The following ARRB1 variants were observed in gnomAD, a reference collection of about 807,000 sequenced individuals.
ARRB1 encodes the protein beta-arrestin-1.
In ARRB1, 21 loss-of-function variants were observed where a neutral mutation model predicts 56.8. The observed-to-expected ratio is 0.37, with a 90% CI of 0.26 to 0.53. The LOEUF (loss-of-function observed/expected upper bound fraction) is 0.53. ARRB1 is among the 20% of genes least tolerant of loss of function. The pLI is 0.88. For synonymous variants in ARRB1, 210 were observed against 218.6 expected (o/e 0.96, Z 0.35); for missense variants, 424 against 553.7 (o/e 0.77, Z 2.35).
At chr11:75,321,055 C>T (rs900037838) in intron 1 of ARRB1, among the ~76,000 whole-genome samples, 4 of 152,156 alleles carry the variant, frequency 2.6e-5, no homozygotes, top group Non-Finnish European at 4.4e-5. Context: ...CTCCCAGGGA[C>T]CTATGTGTCT....
intron 1 of ARRB1, among the ~76,000 whole-genome samples, chr11:75,332,917 C>T (rs1409178583): frequency 6.6e-6 from 1 of 151,946 alleles, no homozygotes; most frequent in African/African-American, 2.4e-5. Flanking sequence ...GTACCTATAG[C>T]CTGGAAGCTC....
At chr11:75,339,170 T>C (rs1038729410) in intron 1 of ARRB1, among the ~76,000 whole-genome samples, 4 of 152,214 alleles carry the variant, frequency 2.6e-5, no homozygotes, top group Non-Finnish European at 4.4e-5. Context: ...GTTTCTCAAC[T>C]GTCTCATGCC....
intron 1 of ARRB1, among the ~76,000 whole-genome samples, chr11:75,326,642 C>T (rs1591978558): frequency 6.6e-6 from 1 of 152,082 alleles, no homozygotes; most frequent in South Asian, 2.1e-4. Context: ...CACACACCGT[C>T]TCCAGCAGTC....
chr11:75,339,011 G>T (rs1947655801), intron 1 of ARRB1, among the ~76,000 whole-genome samples: 1 of 152,168 alleles, frequency 6.6e-6, no homozygotes, highest in African/African-American at 2.4e-5. Context: ...ACTGGTAAAG[G>T]GGAGGGGAGA....
chr11:75,263,924 G>T lies in ARRB1; in HGVS notation c.*2239C>A, dbSNP rs1945854148. Among the ~76,000 whole-genome samples the T allele has an allele frequency of 6.6e-6, 1 of 152,182 alleles. No individual in the cohort carries two copies. The highest frequency in any genetic ancestry group is 6.5e-5 in the Admixed American group (1 of 15,288). On this transcript the variant is annotated 3_prime_UTR_variant, in exon 16 of 16. Coordinates refer to ENST00000420843, the MANE Select transcript of ARRB1 (RefSeq NM_004041.5). ...AGGGGAAGAAGTCTGCAGGAAAGAGGTCATCCCAAACACTAAAGGATCTTG... is the reference window on the plus strand; with the variant it reads ...AGGGGAAGAAGTCTGCAGGAAAGAGTTCATCCCAAACACTAAAGGATCTTG...
intron 1 of ARRB1, among the ~76,000 whole-genome samples, chr11:75,297,525 A>AC (rs1325530804): frequency 6.6e-6 from 1 of 151,538 alleles, no homozygotes; most frequent in Non-Finnish European, 1.5e-5. Context: ...ATAGTCGCAC[A>AC]AAAAAAAACA....
Position 75,281,984 on chromosome 11 carries a change from G to A in ARRB1, c.392C>T (p.Pro131Leu), listed in dbSNP as rs1177139665. The change falls in exon 6 of 16, where the codon CCG (proline) becomes CTG (leucine). Residue 131 changes from proline (P) to leucine (L), a missense_variant. Pro to Leu is a moderately conservative substitution (Grantham distance 98). This residue lies in a region of ARRB1 where 301 missense variants were observed against 387.9 expected (regional missense o/e 0.78). Transcript: ENST00000420843. ...PNLPCSVTLQ[P>L]GPEDTGKACG... ...TACCTTCCCCGTGTCTTCGGGCCCC[G>A]GCTGCAGTGTCACAGAACATGGAAG... 3.7e-6 allele frequency: 6 copies of A among 1,613,976 alleles called. No individual in the cohort carries two copies. The highest frequency in any genetic ancestry group is 1.1e-5 in the South Asian group (1 of 91,084).
intron 1 of ARRB1, among the ~76,000 whole-genome samples, chr11:75,290,376 C>A (rs1946579439): frequency 6.6e-6 from 1 of 152,200 alleles, no homozygotes; most frequent in African/African-American, 2.4e-5. Flanking sequence ...ACCCTCACCT[C>A]CCGGTGTCAC....
chr11:75,283,108 G>A (rs1055986348), intron 5 of ARRB1, among the ~76,000 whole-genome samples, 179 bp downstream of exon 5: 1 of 152,210 alleles, frequency 6.6e-6, no homozygotes, highest in African/African-American at 2.4e-5. Flanking sequence ...AACCCCAGCA[G>A]GGGCTGGAGA....
chr11:75,278,888 ATAGGGGTC>A, intron 7 of ARRB1, 144 bp from the exon 8 acceptor site: 1 of 1,194,082 alleles, frequency 8.4e-7, no homozygotes, highest in East Asian at 2.5e-5. Flanking sequence ...AGAGATCAGC[ATAGGGGTC>A]TGTCACCATC....
rs1398283773 is a variant in ARRB1, at chr11:75,264,387, A to C, written c.*1776T>G. 1.3e-5 allele frequency: 2 copies of C among 152,222 alleles called. No homozygotes were observed. Among genetic ancestry groups the C allele is most frequent in the East Asian group, 3.8e-4 (2 of 5,202 alleles). 9.4% of individuals were successfully genotyped at this position (152,222 alleles called of 1,614,324 possible). A position where few individuals can be genotyped will look rare whatever the true frequency, so the allele number is the denominator to read the frequency against. ...CTGAGGAGAGAGCCCTTGTCCTGCT[A>C]ATCAATATATTTGCCTGGGTAAACC... On this transcript the variant is annotated 3_prime_UTR_variant, in exon 16 of 16. Transcript: ENST00000420843.
intron 9 of ARRB1, 54 bp downstream of exon 9, chr11:75,277,310 C>T (rs981284822): frequency 6.4e-7 from 1 of 1,552,322 alleles, no homozygotes; most frequent in African/African-American, 1.4e-5. Flanking sequence ...CACCCCCAGC[C>T]CTTGGGAAGA....
chr11:75,280,965 GC>G, intron 7 of ARRB1, 109 bp downstream of exon 7: 1 of 1,288,092 alleles, frequency 7.8e-7, no homozygotes. Context: ...TGGAATGTGC[GC>G]CCCTCCTCAC....
intron 1 of ARRB1, chr11:75,335,221 C>T (rs1255973517): frequency 1.0e-5 from 2 of 194,472 alleles, no homozygotes; most frequent in South Asian, 1.7e-4. Flanking sequence ...TGATGGGAGT[C>T]CCGCTGCTAC....
chr11:75,307,676 C>T (rs941385361), intron 1 of ARRB1, among the ~76,000 whole-genome samples: 5 of 152,212 alleles, frequency 3.3e-5, no homozygotes, highest in Non-Finnish European at 5.9e-5. Context: ...GGAAGGTCTT[C>T]CCTCTGGAGC....
chr11:75,351,481 C>A (rs1414923473), intron 1 of ARRB1, 107 bp downstream of exon 1: 21 of 1,458,708 alleles, frequency 1.4e-5, no homozygotes, highest in Non-Finnish European at 1.9e-5. Context: ...GTACTAGATC[C>A]CGCGGTGGCC....
intron 1 of ARRB1, among the ~76,000 whole-genome samples, chr11:75,310,258 G>C (rs1362416434): frequency 6.6e-6 from 1 of 152,162 alleles, no homozygotes. Context: ...CCTGCTCCAG[G>C]GTGTTGAGGG....
chr11:75,347,906 T>G (rs1258729845), intron 1 of ARRB1, among the ~76,000 whole-genome samples: 1 of 152,178 alleles, frequency 6.6e-6, no homozygotes, highest in Admixed American at 6.5e-5. Flanking sequence ...CTCTGCAGCC[T>G]AAGTTCAGAG....
chr11:75,288,873 G>A (rs1297822331), intron 2 of ARRB1, among the ~76,000 whole-genome samples: 4 of 152,152 alleles, frequency 2.6e-5, no homozygotes, highest in Admixed American at 1.3e-4. Flanking sequence ...GATTATAGGC[G>A]TGAGCCACTG....
Sources: allele counts gnomAD v4.1 joint callset (sites outside exome capture counted in the v4.1 genomes callset), GRCh38; gene constraint gnomAD v4.1.1; regional missense constraint gnomAD v4.1.1; transcripts MANE v1.5; gene names NCBI Gene and HGNC (gene_info 2026-07-23, HGNC 2026-07-21).